Variants in VASN observed in about 807,000 individuals in gnomAD.
VASN encodes vasorin.
In VASN, 5 loss-of-function variants were observed where a neutral mutation model predicts 4.8. The observed-to-expected ratio is 1.03, with a 90% CI of 0.54 to 2.17. VASN has a LOEUF of 2.17. Ranked by LOEUF, VASN falls within the 30% of genes most tolerant of loss-of-function variation. The pLI is 0.01. For synonymous variants in VASN, 499 were observed against 460.8 expected (o/e 1.08, Z -1.06); for missense variants, 927 against 948.8 (o/e 0.98, Z 0.30).
At chr16:4,376,661 A>G (rs2054742397) in intron 1 of VASN, among the ~76,000 whole-genome samples, 1 of 152,062 alleles carries the variant, frequency 6.6e-6, no homozygotes, top group African/African-American at 2.4e-5. Context: ...TGTGTGGTGT[A>G]CCCCAGAGGT....
At chr16:4,374,916 T>C (rs907168782) in intron 1 of VASN, among the ~76,000 whole-genome samples, 1 of 152,054 alleles carries the variant, frequency 6.6e-6, no homozygotes, top group African/African-American at 2.4e-5. Context: ...GTTAGGGCCT[T>C]ACTAGATGGG....
At position 4,381,621 on chromosome 16, in the gene VASN, C is replaced by G. The variant is rs375655650; in HGVS notation, c.744C>G (p.Gly248=). The G allele has an allele frequency of 6.3e-7, 1 of 1,597,678 alleles. No individual in the cohort carries two copies. Reference sequence around the variant, plus strand: ...GCCTGACGCGCCTGCGGCTGGCCGGCAACACCCGCATTGCCCAGCTGCGGC... The same window carrying G: ...GCCTGACGCGCCTGCGGCTGGCCGGGAACACCCGCATTGCCCAGCTGCGGC... The part of the protein sequence containing the change: ...LRGLTRLRLA[G]NTRIAQLRPE... Residue 248 remains glycine, a synonymous_variant, in exon 2 of 2, where the codon GGC becomes GGG. Transcript: ENST00000304735.
At chr16:4,376,241 C>T (rs918607532) in intron 1 of VASN, among the ~76,000 whole-genome samples, 7 of 152,216 alleles carry the variant, frequency 4.6e-5, no homozygotes, top group African/African-American at 7.2e-5. Context: ...CGGACCCAGC[C>T]GGGCCCTGAG....
In VASN at chr16:4,382,031, C is replaced by T. The variant is rs779931971; in HGVS notation, c.1154C>T (p.Pro385Leu). 41 of 1,597,214 alleles carry T rather than the reference C, an allele frequency of 2.6e-5. No homozygotes were observed. The highest frequency in any genetic ancestry group is 1.2e-4 in the African/African-American group (9 of 74,652). ...LAPTWLSPTE[P>L]ATEAPSPPST... The stretch of plus-strand genomic sequence containing the variant: ...CCTACCTGGCTTAGCCCCACAGAGC[C>T]GGCCACTGAGGCCCCCAGCCCGCCC... The change falls in exon 2 of 2, where the codon CCG (proline) becomes CTG (leucine). Residue 385 changes from proline to leucine, a missense_variant. Pro to Leu is a moderately conservative substitution (Grantham distance 98). Coordinates refer to ENST00000304735, the MANE Select transcript of VASN (RefSeq NM_138440.3).
At position 4,381,435 on chromosome 16, in the gene VASN, C is replaced by T. The variant is rs749177408; in HGVS notation, c.558C>T (p.Pro186=). The change falls in exon 2 of 2, where the codon CCC becomes CCT. Residue 186 remains proline, a synonymous_variant. Transcript: ENST00000304735. ...ACAACAGCCTCCTGGCCCTGGAGCCCGGCATCCTGGACACTGCCAACGTGG... is the reference window on the plus strand; with the variant it reads ...ACAACAGCCTCCTGGCCCTGGAGCCTGGCATCCTGGACACTGCCAACGTGG... ...LSHNSLLALE[P]GILDTANVEA... 1.4e-4 allele frequency: 222 copies of T among 1,579,540 alleles called. No individual in the cohort carries two copies. The highest frequency in any genetic ancestry group is 8.9e-4 in the East Asian group (38 of 42,728).
At chr16:4,377,410 C>A (rs1041305939) in intron 1 of VASN, among the ~76,000 whole-genome samples, 1 of 152,116 alleles carries the variant, frequency 6.6e-6, no homozygotes, top group African/African-American at 2.4e-5. Context: ...CCCAGCCCCA[C>A]GCACACACCA....
intron 1 of VASN, among the ~76,000 whole-genome samples, chr16:4,376,062 C>T (rs897261692): frequency 3.9e-5 from 6 of 152,166 alleles, no homozygotes; most frequent in Admixed American, 3.3e-4. Context: ...TGGGGACCCC[C>T]GCTCAATCAC....
chr16:4,377,290 G>C (rs1470675106), intron 1 of VASN, among the ~76,000 whole-genome samples: 1 of 144,754 alleles, frequency 6.9e-6, no homozygotes, highest in Non-Finnish European at 1.5e-5. Flanking sequence ...AGAGGAAAAG[G>C]TCTCACCTCC....
At position 4,382,927 on chromosome 16, in the gene VASN, C is replaced by T. The variant is rs1188210362; in HGVS notation, c.*28C>T. On this transcript the variant is annotated 3_prime_UTR_variant, in exon 2 of 2. Coordinates refer to ENST00000304735, the MANE Select transcript of VASN (RefSeq NM_138440.3). ...CAGAGAGAGACAGGGCAGCTGGGGC[C>T]GGGCTCTCAGCCAGTGAGATGGCCA... The T allele has an allele frequency of 1.1e-5, 16 of 1,467,500 alleles. No individual in the cohort carries two copies. Among genetic ancestry groups the T allele is most frequent in the Middle Eastern group, 1.8e-4 (1 of 5,426 alleles). The allele number at this position is 1,467,500 out of a possible 1,614,324, so 90.9% of individuals were successfully genotyped here. A position where few individuals can be genotyped will look rare whatever the true frequency, so the allele number is the denominator to read the frequency against.
At chr16:4,376,996 G>A (rs1156799323) in intron 1 of VASN, among the ~76,000 whole-genome samples, 3 of 152,160 alleles carry the variant, frequency 2.0e-5, no homozygotes, top group Non-Finnish European at 2.9e-5. Flanking sequence ...CAAGTGCTCC[G>A]AGCACAGACC....
In VASN at chr16:4,382,196, A is replaced by T. The variant is rs769900392; in HGVS notation, c.1319A>T (p.Tyr440Phe). The T allele has an allele frequency of 2.5e-6, 4 of 1,602,210 alleles. No homozygotes were observed. Among genetic ancestry groups the T allele is most frequent in the Non-Finnish European group, 3.4e-6 (4 of 1,176,166 alleles). Residue 440 changes from tyrosine (Y) to phenylalanine (F), a missense_variant, in exon 2 of 2, where the codon TAC (tyrosine) becomes TTC (phenylalanine). Transcript: ENST00000304735. ...CLCPEGFTGL[Y>F]CESQMGQGTR... ...TGCCCCGAAGGCTTCACGGGCCTGTACTGTGAGAGCCAGATGGGGCAGGGG... is the reference window on the plus strand; with the variant it reads ...TGCCCCGAAGGCTTCACGGGCCTGTTCTGTGAGAGCCAGATGGGGCAGGGG...
chr16:4,378,567 G>A (rs577787052), intron 1 of VASN, among the ~76,000 whole-genome samples: 1 of 152,290 alleles, frequency 6.6e-6, no homozygotes, highest in South Asian at 2.1e-4. Context: ...GGTCCCATGG[G>A]GGAAGAGAAG....
In VASN at chr16:4,374,086, C is replaced by CGTGT. The variant is rs112578905; in HGVS notation, c.-10+2110_-10+2113dup. ...GTTCTTGGAGAAGGGGGAGGGTGCA[C>CGTGT]GTGTGTGTGTGTGTGTGTGTCTGCA... On this transcript the variant is annotated intron_variant, in intron 1 of 1. Transcript: ENST00000304735. 5.0e-3 allele frequency among the ~76,000 whole-genome samples: 750 copies of CGTGT among 148,770 alleles called. 8 individuals carry two copies. Among genetic ancestry groups the CGTGT allele is most frequent in the African/African-American group, 0.017 (694 of 40,566 alleles).
At chr16:4,379,194 G>A (rs1444431609) in intron 1 of VASN, among the ~76,000 whole-genome samples, 1 of 152,116 alleles carries the variant, frequency 6.6e-6, no homozygotes, top group East Asian at 1.9e-4. Context: ...CTGTGTGGGG[G>A]AAGGGGAAGC....
In VASN at chr16:4,382,055, C is replaced by T; in HGVS notation, c.1178C>T (p.Pro393Leu). 1 of 1,590,964 alleles carries T rather than the reference C, an allele frequency of 6.3e-7. No homozygotes were observed. Among genetic ancestry groups the T allele is most frequent in the Non-Finnish European group, 8.5e-7 (1 of 1,170,406 alleles). Residue 393 changes from proline to leucine, a missense_variant, in exon 2 of 2, where the codon CCC becomes CTC. Coordinates refer to ENST00000304735, the MANE Select transcript of VASN (RefSeq NM_138440.3). The part of the protein sequence containing the change: ...TEPATEAPSP[P>L]STAPPTVGPV... ...CCGGCCACTGAGGCCCCCAGCCCGCCCTCCACTGCCCCACCGACTGTAGGG... is the reference window on the plus strand; with the variant it reads ...CCGGCCACTGAGGCCCCCAGCCCGCTCTCCACTGCCCCACCGACTGTAGGG...
Position 4,381,778 on chromosome 16 carries a change from A to T in VASN, c.901A>T (p.Asn301Tyr). The T allele has an allele frequency of 1.9e-6, 3 of 1,600,924 alleles. No homozygotes were observed. The highest frequency in any genetic ancestry group is 2.5e-6 in the Non-Finnish European group (3 of 1,179,316). Residue 301 changes from asparagine (N) to tyrosine (Y), a missense_variant, in exon 2 of 2, where the codon AAC becomes TAC. Coordinates refer to ENST00000304735, the MANE Select transcript of VASN (RefSeq NM_138440.3). ...GCTGGCAGCTGCCCGCAACCCCTTC[A>T]ACTGCGTGTGCCCCCTGAGCTGGTT... Reference protein sequence around the residue: ...RLLAAARNPFNCVCPLSWFGP... With the variant: ...RLLAAARNPFYCVCPLSWFGP...
chr16:4,381,537 C>G lies in VASN; in HGVS notation c.660C>G (p.Asp220Glu). 1 of 1,604,558 alleles carries G rather than the reference C, an allele frequency of 6.2e-7. No homozygotes were observed. The highest frequency in any genetic ancestry group is 8.5e-7 in the Non-Finnish European group (1 of 1,176,466). ...GLFSRLRNLHDLDVSDNQLER... is the reference protein window; with the variant it reads ...GLFSRLRNLHELDVSDNQLER... ...TCAGCCGCTTGCGCAACCTCCACGA[C>G]CTGGATGTGTCCGACAACCAGCTGG... The change falls in exon 2 of 2, where the codon GAC (aspartate) becomes GAG (glutamate). Residue 220 changes from aspartate (D) to glutamate (E), a missense_variant. Physicochemically the swap from Asp to Glu is conservative, Grantham distance 45. Coordinates refer to ENST00000304735, the MANE Select transcript of VASN (RefSeq NM_138440.3).
In VASN at chr16:4,381,310, G is replaced by C; in HGVS notation, c.433G>C (p.Asp145His). Residue 145 changes from aspartate to histidine, a missense_variant, in exon 2 of 2, where the codon GAC becomes CAC. By Grantham distance (81) the Asp-to-His change is moderately conservative (BLOSUM62 -1). Transcript: ENST00000304735. Reference sequence around the variant, plus strand: ...CCGCCACATCCAGCCTGGTGCCTTCGACACGCTCGACCGCCTCCTGGAGCT... The same window carrying C: ...CCGCCACATCCAGCCTGGTGCCTTCCACACGCTCGACCGCCTCCTGGAGCT... ...RIRHIQPGAF[D>H]TLDRLLELKL... 1.2e-6 allele frequency: 2 copies of C among 1,611,856 alleles called. No homozygotes were observed. Among genetic ancestry groups the C allele is most frequent in the Non-Finnish European group, 1.7e-6 (2 of 1,179,612 alleles).
rs1266532185 is a variant in VASN, at chr16:4,380,964, G to A, written c.87G>A (p.Gln29=). The part of the protein sequence containing the change: ...PGVQGCPSGC[Q]CSQPQTVFCT... ...TGCAGGGCTGCCCATCCGGCTGCCAGTGCAGCCAGCCACAGACAGTCTTCT... is the reference window on the plus strand; with the variant it reads ...TGCAGGGCTGCCCATCCGGCTGCCAATGCAGCCAGCCACAGACAGTCTTCT... The change falls in exon 2 of 2, where the codon CAG becomes CAA. Residue 29 remains glutamine (Q), a synonymous_variant. Coordinates refer to ENST00000304735, the MANE Select transcript of VASN (RefSeq NM_138440.3). 2 of 1,604,028 alleles carry A rather than the reference G, an allele frequency of 1.2e-6. No individual in the cohort carries two copies. The highest frequency in any genetic ancestry group is 8.5e-7 in the Non-Finnish European group (1 of 1,177,792).
Sources: gnomAD v4.1 joint callset for allele counts (sites outside exome capture counted in the v4.1 genomes callset) on GRCh38, gnomAD v4.1.1 for gene constraint, MANE v1.5 for transcripts, NCBI Gene and HGNC (gene_info 2026-07-23, HGNC 2026-07-21) for gene names.